The following TMCC1 variants were observed in gnomAD, a reference collection of about 807,000 sequenced individuals.
TMCC1 encodes transmembrane and coiled-coil domain family 1.
TMCC1 carries 15 observed loss-of-function variants against 52.4 expected under a neutral mutation model. The ratio of observed to expected loss-of-function variants is 0.29; its 90% CI spans 0.19 to 0.44. The LOEUF (loss-of-function observed/expected upper bound fraction) is 0.44. TMCC1 is among the 20% of genes least tolerant of loss of function. The probability of loss-of-function intolerance (pLI) is 1.00; values close to 1 mark genes in which losing one functional copy is unlikely to be tolerated. For synonymous variants in TMCC1, 279 were observed against 301.9 expected (o/e 0.92, Z 0.79); for missense variants, 503 against 806.0 (o/e 0.62, Z 4.55).
chr3:129,887,219 T>A (rs1369670972), intron 1 of TMCC1, among the ~76,000 whole-genome samples: 1 of 151,804 alleles, frequency 6.6e-6, no homozygotes, highest in African/African-American at 2.4e-5. Context: ...AATCATAAAT[T>A]GTATTTTATA....
rs567164414 is a variant in TMCC1 at position 129,870,104 on chromosome 3, T to G, written c.-184+10205A>C. ...TCCTCAAAATATGTTCTTGAAAGAC[T>G]AGTCTTGAAAAATTCTCTCAAATAA... is the stretch of plus-strand genomic sequence containing the variant. On this transcript the variant is annotated intron_variant, in intron 2 of 6. Coordinates refer to ENST00000393238, the MANE Select transcript of TMCC1 (RefSeq NM_001017395.5). 1.4e-4 allele frequency among the ~76,000 whole-genome samples: 21 copies of G among 152,264 alleles called. 1 individual carries two copies. In the East Asian group the frequency reaches 3.1e-3, roughly 22 times the overall value.
At chr3:129,656,925 A>G (rs1285470299) in intron 5 of TMCC1, among the ~76,000 whole-genome samples, 3 of 152,212 alleles carry the variant, frequency 2.0e-5, no homozygotes, top group Non-Finnish European at 4.4e-5. Flanking sequence ...ACAAAATGCC[A>G]TAAGATAATG....
Position 129,775,510 on chromosome 3 carries a change from T to C in TMCC1, c.576+52293A>G, listed in dbSNP as rs150943602. Among the ~76,000 whole-genome samples, 813 of 152,106 alleles carry C rather than the reference T, an allele frequency of 5.3e-3. 2 individuals are homozygous for C. Among genetic ancestry groups the C allele is most frequent in the South Asian group, 0.011 (55 of 4,814 alleles). On this transcript the variant is annotated intron_variant, in intron 4 of 6. Coordinates refer to ENST00000393238, the MANE Select transcript of TMCC1 (RefSeq NM_001017395.5). The stretch of plus-strand genomic sequence containing the variant: ...ATTAAACATAATAGCCAGGATTCTG[T>C]CTTAAGCCACTGGGTACACATCGTG...
chr3:129,716,004 C>T (rs1272234144), intron 4 of TMCC1, among the ~76,000 whole-genome samples: 1 of 152,108 alleles, frequency 6.6e-6, no homozygotes, highest in Non-Finnish European at 1.5e-5. Flanking sequence ...TTATAACCTG[C>T]TACCTCCCCT....
intron 2 of TMCC1, among the ~76,000 whole-genome samples, chr3:129,844,500 T>C (rs901394722): frequency 1.3e-5 from 2 of 152,192 alleles, no homozygotes; most frequent in African/African-American, 2.4e-5. Flanking sequence ...ATGCCCAACA[T>C]TCGGTGTTTT....
chr3:129,712,294 CCA>C (rs893593454), intron 4 of TMCC1, among the ~76,000 whole-genome samples: 1 of 152,114 alleles, frequency 6.6e-6, no homozygotes, highest in East Asian at 1.9e-4. Flanking sequence ...ATGAGCTGTT[CCA>C]GTTTATGCAA....
intron 4 of TMCC1, among the ~76,000 whole-genome samples, chr3:129,699,917 A>G (rs1031470009): frequency 6.6e-6 from 1 of 152,230 alleles, no homozygotes; most frequent in South Asian, 2.1e-4. Context: ...TCCTGTCCCT[A>G]AAACAAATAA....
At chr3:129,887,990 A>G (rs1560626555) in intron 1 of TMCC1, among the ~76,000 whole-genome samples, 1 of 152,258 alleles carries the variant, frequency 6.6e-6, no homozygotes, top group Non-Finnish European at 1.5e-5. Flanking sequence ...TCAGGAAGTA[A>G]GTAGGGAAAG....
At chr3:129,732,378 C>T (rs953781548) in intron 4 of TMCC1, among the ~76,000 whole-genome samples, 2 of 152,082 alleles carry the variant, frequency 1.3e-5, no homozygotes, top group African/African-American at 4.8e-5. Flanking sequence ...CCCACAGATG[C>T]ACCACCCACC....
intron 2 of TMCC1, among the ~76,000 whole-genome samples, chr3:129,874,312 G>A (rs1271604674): frequency 6.6e-6 from 1 of 152,170 alleles, no homozygotes; most frequent in African/African-American, 2.4e-5. Flanking sequence ...CCAGCACCTG[G>A]CATAATGCCT....
At position 129,827,999 on chromosome 3, in the gene TMCC1, T is replaced by C. The variant is rs2058732945; in HGVS notation, c.380A>G (p.Lys127Arg). Residue 127 changes from lysine (K) to arginine (R), a missense_variant, in exon 4 of 7, where the codon AAG becomes AGG. This residue lies in a region of TMCC1 where 217 missense variants were observed against 297.9 expected (regional missense o/e 0.73). Transcript: ENST00000393238. ...RGTSLHSRRG[K>R]PEAPKGSPQI... is the part of the protein sequence containing the mutation. ...GGGACTTCCCTTTGGGGCCTCTGGC[T>C]TGCCCCGCCTACTATGCAAGCTTGT... 1.2e-6 allele frequency: 2 copies of C among 1,614,056 alleles called. No individual in the cohort carries two copies. The highest frequency in any genetic ancestry group is 2.2e-5 in the South Asian group (2 of 91,094).
At chr3:129,709,497 A>AAGAG (rs59129244) in intron 4 of TMCC1, among the ~76,000 whole-genome samples, 7,752 of 63,662 alleles carry the variant, frequency 0.12, 2,581 homozygotes, top group East Asian at 0.5. Context: ...AAAAAAAAAA[A>AAGAG]AGAGAGAGAG....
intron 2 of TMCC1, among the ~76,000 whole-genome samples, chr3:129,834,515 TA>T: frequency 6.6e-6 from 1 of 152,306 alleles, no homozygotes; most frequent in East Asian, 1.9e-4. Flanking sequence ...GTCTACTGAC[TA>T]AAATTTTGAC....
intron 2 of TMCC1, among the ~76,000 whole-genome samples, chr3:129,848,179 G>T (rs1308730317): frequency 2.6e-5 from 4 of 152,092 alleles, no homozygotes; most frequent in African/African-American, 9.7e-5. Context: ...CCAATTTAGC[G>T]ATTTTTTCCC....
At chr3:129,720,010 T>C (rs2049437805) in intron 4 of TMCC1, among the ~76,000 whole-genome samples, 1 of 151,710 alleles carries the variant, frequency 6.6e-6, no homozygotes, top group Admixed American at 6.6e-5. Context: ...GGTGAGACCC[T>C]ACCTCTACAA....
intron 4 of TMCC1, among the ~76,000 whole-genome samples, chr3:129,796,104 G>C (rs913829134): frequency 6.6e-6 from 1 of 152,178 alleles, no homozygotes; most frequent in African/African-American, 2.4e-5. Context: ...ATATATGACA[G>C]TGGTCCCATA....
chr3:129,655,149 T>A, intron 5 of TMCC1, 46 bp from the exon 6 acceptor site: 1 of 1,596,768 alleles, frequency 6.3e-7, no homozygotes, highest in Non-Finnish European at 8.5e-7. Flanking sequence ...TCTGTGAATA[T>A]CTTTCCTGGC....
chr3:129,827,503 T>C (rs1220793143), intron 4 of TMCC1, among the ~76,000 whole-genome samples: 1 of 152,214 alleles, frequency 6.6e-6, no homozygotes, highest in East Asian at 1.9e-4. Context: ...AGCATCTTTA[T>C]TGCTCTACCA....
chr3:129,772,595 C>T (rs1441055713), intron 4 of TMCC1, among the ~76,000 whole-genome samples: 14 of 150,988 alleles, frequency 9.3e-5, no homozygotes, highest in East Asian at 5.9e-4. Flanking sequence ...TGGTGGCGGG[C>T]ACCTGTAGTC....
Sources: allele counts gnomAD v4.1 joint callset (sites outside exome capture counted in the v4.1 genomes callset), GRCh38; gene constraint gnomAD v4.1.1; regional missense constraint gnomAD v4.1.1; transcripts MANE v1.5; gene names NCBI Gene and HGNC (gene_info 2026-07-23, HGNC 2026-07-21).